The following COMMD10 variants were observed in gnomAD, a reference collection of about 807,000 sequenced individuals.
COMMD10 encodes COMM domain-containing protein 10.
In COMMD10, 33 loss-of-function variants were observed where a neutral mutation model predicts 28.9. That is an observed-to-expected ratio of 1.14 (90% confidence interval 0.87 to 1.53). COMMD10 has a LOEUF of 1.53. Among genes scored for constraint, COMMD10 ranks in the 40% most tolerant of loss-of-function variants. The pLI, the probability that COMMD10 is intolerant of heterozygous loss-of-function variation, is 0.00. For synonymous variants in COMMD10, 110 were observed against 81.7 expected (o/e 1.35, Z -1.87); for missense variants, 310 against 233.4 (o/e 1.33, Z -2.14).
chr5:116,121,045 C>T (rs1419565481), intron 4 of COMMD10, among the ~76,000 whole-genome samples: 1 of 152,030 alleles, frequency 6.6e-6, no homozygotes, highest in Non-Finnish European at 1.5e-5. Context: ...AGGTTTGTTA[C>T]ATAGATATAC....
intron 5 of COMMD10, among the ~76,000 whole-genome samples, chr5:116,286,451 GGTT>G (rs1561409551): frequency 1.4e-4 from 20 of 148,050 alleles, no homozygotes; most frequent in Admixed American, 6.7e-5. Flanking sequence ...TGTAAAGTTA[GGTT>G]GTTAAGTTGA....
intron 5 of COMMD10, among the ~76,000 whole-genome samples, chr5:116,218,730 T>A (rs781395572): frequency 6.6e-6 from 1 of 152,092 alleles, no homozygotes; most frequent in Non-Finnish European, 1.5e-5. Flanking sequence ...GAATAAATAC[T>A]ATGAGAACAT....
chr5:116,104,474 G>A (rs961355935), intron 4 of COMMD10, among the ~76,000 whole-genome samples: 16 of 152,134 alleles, frequency 1.1e-4, no homozygotes, highest in African/African-American at 2.7e-4. Context: ...AGGGATGCTT[G>A]TGATTTTTGC....
Position 116,091,207 on chromosome 5 carries a change from A to G in COMMD10, c.243+18A>G, listed in dbSNP as rs751780864. On this transcript the variant is annotated intron_variant, in intron 3 of 6. Transcript: ENST00000274458. ...TAGAACAGGTATTTTTATTGCATCA[A>G]ATTTTCTAGCCATGATTTGTTTACT... The G allele has an allele frequency of 1.2e-5, 16 of 1,355,986 alleles. No homozygotes were observed. In the East Asian group the frequency reaches 1.9e-4, roughly 16 times the overall value. The allele number at this position is 1,355,986 out of a possible 1,614,324, so 84.0% of individuals were successfully genotyped here.
chr5:116,255,103 C>T (rs941203563), intron 5 of COMMD10, among the ~76,000 whole-genome samples: 1 of 151,504 alleles, frequency 6.6e-6, no homozygotes, highest in Middle Eastern at 3.4e-3. Flanking sequence ...CTGTTTTATC[C>T]AAGACTAGGA....
chr5:116,182,648 T>A (rs1288601441), intron 5 of COMMD10, among the ~76,000 whole-genome samples: 1 of 152,084 alleles, frequency 6.6e-6, no homozygotes, highest in Non-Finnish European at 1.5e-5. Flanking sequence ...TTTAAGGGAA[T>A]GTTGACATAT....
chr5:116,204,974 A>G (rs768569135), intron 5 of COMMD10, among the ~76,000 whole-genome samples: 23 of 151,960 alleles, frequency 1.5e-4, no homozygotes, highest in Non-Finnish European at 2.6e-4. Flanking sequence ...TGTTTTTTGA[A>G]TTTGGTAGTT....
intron 5 of COMMD10, among the ~76,000 whole-genome samples, chr5:116,236,521 AAAAG>A (rs1209480460): frequency 2.0e-5 from 3 of 151,712 alleles, no homozygotes; most frequent in Admixed American, 1.3e-4. Context: ...AAAAAAAAAA[AAAAG>A]AAGTGATCCG....
intron 4 of COMMD10, among the ~76,000 whole-genome samples, chr5:116,100,859 C>G (rs1319698114): frequency 1.3e-5 from 2 of 152,058 alleles, no homozygotes; most frequent in East Asian, 1.9e-4. Flanking sequence ...GAATTCAGGA[C>G]TTTTAGGTAA....
intron 5 of COMMD10, among the ~76,000 whole-genome samples, chr5:116,189,598 A>C (rs1197863477): frequency 1.3e-5 from 2 of 152,212 alleles, no homozygotes; most frequent in Admixed American, 6.5e-5. Flanking sequence ...GGACTAGTAC[A>C]ATTCTCTTGG....
chr5:116,261,570 C>G lies in COMMD10; in HGVS notation c.511-29947C>G, dbSNP rs548542717. ...GACTAGAAATTTTTATTTCAGTGCA[C>G]TTACTTGACATCTTTCTGGTTATTA... On this transcript the variant is annotated intron_variant, in intron 5 of 6. Transcript: ENST00000274458. 6.6e-5 allele frequency among the ~76,000 whole-genome samples: 10 copies of G among 151,868 alleles called. No homozygotes were observed. The South Asian group carries it at 1.9e-3, about 28-fold the overall frequency.
intron 4 of COMMD10, among the ~76,000 whole-genome samples, chr5:116,131,875 A>G (rs1751874440): frequency 6.6e-6 from 1 of 152,094 alleles, no homozygotes; most frequent in African/African-American, 2.4e-5. Context: ...GTGAAACAGC[A>G]TAGTATGTTT....
chr5:116,226,630 A>C (rs1205784850), intron 5 of COMMD10, among the ~76,000 whole-genome samples: 1 of 149,844 alleles, frequency 6.7e-6, no homozygotes, highest in Admixed American at 6.6e-5. Context: ...CAATCAACTT[A>C]GAAAACCAAG....
intron 4 of COMMD10, among the ~76,000 whole-genome samples, chr5:116,103,832 G>A (rs1750744013): frequency 6.6e-6 from 1 of 152,154 alleles, no homozygotes; most frequent in African/African-American, 2.4e-5. Flanking sequence ...TGTATAAGGT[G>A]TAAGGAAGGG....
In COMMD10 at chr5:116,293,011, A is replaced by C. The variant is rs1472167653; in HGVS notation, c.*522A>C. On this transcript the variant is annotated 3_prime_UTR_variant, in exon 7 of 7. Transcript: ENST00000274458. ...TATAGGAAGGAAATGTAAAATAGTG[A>C]GTAGTATGGTATCAGTTAATTCCAG... 5 of 397,406 alleles carry C rather than the reference A, an allele frequency of 1.3e-5. No individual in the cohort carries two copies. Among genetic ancestry groups the C allele is most frequent in the Non-Finnish European group, 4.4e-6 (1 of 225,282 alleles). 24.6% of individuals were successfully genotyped at this position (397,406 alleles called of 1,614,324 possible). A position where few individuals can be genotyped will look rare whatever the true frequency, so the allele number is the denominator to read the frequency against.
At chr5:116,166,954 CACAGT>C (rs1753141164) in intron 5 of COMMD10, among the ~76,000 whole-genome samples, 1 of 152,046 alleles carries the variant, frequency 6.6e-6, no homozygotes, top group South Asian at 2.1e-4. Flanking sequence ...TCCAAAGGAT[CACAGT>C]TCCTCACCAG....
intron 5 of COMMD10, among the ~76,000 whole-genome samples, chr5:116,178,108 A>AT (rs1342740959): frequency 6.6e-6 from 1 of 152,104 alleles, no homozygotes; most frequent in African/African-American, 2.4e-5. Context: ...ATGTTTAGGT[A>AT]TTTAGCTGTA....
intron 5 of COMMD10, among the ~76,000 whole-genome samples, chr5:116,237,776 G>A (rs993162320): frequency 1.3e-5 from 2 of 152,122 alleles, no homozygotes; most frequent in Non-Finnish European, 2.9e-5. Flanking sequence ...TGCAATAAAT[G>A]CATTTTGTAT....
chr5:116,234,258 AAGAC>A (rs988386423), intron 5 of COMMD10, among the ~76,000 whole-genome samples: 1 of 152,188 alleles, frequency 6.6e-6, no homozygotes, highest in African/African-American at 2.4e-5. Flanking sequence ...CTATCAAGGA[AAGAC>A]AGAGAAAGCC....
Sources: allele counts gnomAD v4.1 joint callset (sites outside exome capture counted in the v4.1 genomes callset), GRCh38; gene constraint gnomAD v4.1.1; transcripts MANE v1.5; gene names NCBI Gene and HGNC (gene_info 2026-07-23, HGNC 2026-07-21).